DKK3: variants seen among roughly 807,000 people sequenced by gnomAD.
DKK3 encodes dickkopf Wnt signaling pathway inhibitor 3, also known as dickkopf-related protein 3.
A neutral mutation model predicts 33.2 loss-of-function variants in DKK3; 22 were observed. The ratio of observed to expected loss-of-function variants is 0.66; its 90% CI spans 0.47 to 0.95. DKK3 has a LOEUF of 0.95. Ranked by LOEUF, DKK3 falls within the 40% of genes least tolerant of loss-of-function variation. The pLI, the probability that DKK3 is intolerant of heterozygous loss-of-function variation, is 0.00. For synonymous variants in DKK3, 194 were observed against 188.8 expected (o/e 1.03, Z -0.23); for missense variants, 398 against 458.4 (o/e 0.87, Z 1.20).
At chr11:11,980,403 C>T (rs529361173) in intron 3 of DKK3, among the ~76,000 whole-genome samples, 2 of 152,312 alleles carry the variant, frequency 1.3e-5, no homozygotes, top group South Asian at 4.1e-4. Flanking sequence ...ACCCTGAGCA[C>T]ATTCTACCTC....
At chr11:11,972,300 G>A (rs1180914524) in intron 3 of DKK3, among the ~76,000 whole-genome samples, 1 of 152,188 alleles carries the variant, frequency 6.6e-6, no homozygotes, top group Non-Finnish European at 1.5e-5. Context: ...CCCCTGCCAG[G>A]GGGCCAGTCT....
intron 6 of DKK3, among the ~76,000 whole-genome samples, chr11:11,965,561 A>G (rs1267724948): frequency 6.6e-6 from 1 of 151,928 alleles, no homozygotes; most frequent in Non-Finnish European, 1.5e-5. Context: ...TGGACCATCC[A>G]CTCATGAAGC....
At chr11:11,978,223 G>A (rs940553597) in intron 3 of DKK3, among the ~76,000 whole-genome samples, 2 of 152,250 alleles carry the variant, frequency 1.3e-5, no homozygotes, top group African/African-American at 2.4e-5. Flanking sequence ...AAGAGAGGTG[G>A]CCTCAAAGAC....
At chr11:11,975,130 G>A (rs1046784337) in intron 3 of DKK3, among the ~76,000 whole-genome samples, 3 of 152,092 alleles carry the variant, frequency 2.0e-5, no homozygotes, top group Admixed American at 1.3e-4. Context: ...CTGTTAAGTC[G>A]TCCTGTTTGG....
intron 2 of DKK3, among the ~76,000 whole-genome samples, chr11:11,999,596 C>G (rs780506930): frequency 9.9e-5 from 15 of 152,136 alleles, no homozygotes; most frequent in African/African-American, 3.4e-4. Flanking sequence ...CTGCACTACT[C>G]CAGCCTGGGC....
intron 2 of DKK3, 62 bp downstream of exon 2, chr11:12,002,232 CAAAAAA>C: frequency 6.7e-7 from 1 of 1,488,798 alleles, no homozygotes. Flanking sequence ...AAAACAAAAA[CAAAAAA>C]ACCTTAGTTC....
At chr11:12,007,962 A>T (rs907230583) in intron 1 of DKK3, among the ~76,000 whole-genome samples, 3 of 152,232 alleles carry the variant, frequency 2.0e-5, no homozygotes, top group Admixed American at 2.0e-4. Context: ...CTCAAAGCAT[A>T]ACGGACAAGC....
At chr11:12,000,280 A>T (rs1848397150) in intron 2 of DKK3, among the ~76,000 whole-genome samples, 1 of 152,004 alleles carries the variant, frequency 6.6e-6, no homozygotes, top group Non-Finnish European at 1.5e-5. Flanking sequence ...ATCTCGGCTC[A>T]CTGCAACCTC....
chr11:12,000,750 C>T (rs1267315191), intron 2 of DKK3, among the ~76,000 whole-genome samples: 1 of 151,818 alleles, frequency 6.6e-6, no homozygotes, highest in Non-Finnish European at 1.5e-5. Flanking sequence ...AACTCCTAAC[C>T]TCAAGTGATC....
intron 3 of DKK3, among the ~76,000 whole-genome samples, chr11:11,984,401 A>G (rs888915932): frequency 6.6e-6 from 1 of 151,362 alleles, no homozygotes; most frequent in African/African-American, 2.4e-5. Context: ...AAGAGAAAAT[A>G]AAAATATTTG....
At chr11:11,979,079 C>CCGA (rs1847899854) in intron 3 of DKK3, 1 of 152,280 alleles carries the variant, frequency 6.6e-6, no homozygotes, top group Admixed American at 6.5e-5. Flanking sequence ...AACAGGTTCA[C>CCGA]CGACGCAAGG....
At chr11:11,977,130 C>T (rs11602985) in intron 3 of DKK3, among the ~76,000 whole-genome samples, 20,776 of 152,170 alleles carry the variant, frequency 0.14, 1,788 homozygotes, top group Middle Eastern at 0.38. Flanking sequence ...TTTTCTTCCC[C>T]CAAGTCACAC....
At chr11:11,980,676 G>T (rs1194106418) in intron 3 of DKK3, among the ~76,000 whole-genome samples, 3 of 152,098 alleles carry the variant, frequency 2.0e-5, no homozygotes, top group Admixed American at 2.0e-4. Flanking sequence ...CCTCTCTCCT[G>T]GGTGCTCCCC....
chr11:11,991,359 C>T (rs1490726961), intron 3 of DKK3, among the ~76,000 whole-genome samples: 2 of 152,158 alleles, frequency 1.3e-5, no homozygotes, highest in Non-Finnish European at 1.5e-5. Context: ...GTAGCTGGGT[C>T]ATGGGGGCAG....
In DKK3 at chr11:11,967,048, A is replaced by AC. The variant is rs768140981; in HGVS notation, c.578dup (p.His194SerfsTer16). 3.1e-5 allele frequency: 50 copies of AC among 1,613,718 alleles called. No individual in the cohort carries two copies. Among genetic ancestry groups the AC allele is most frequent in the Non-Finnish European group, 3.8e-5 (45 of 1,179,992 alleles). Reference sequence around the variant, plus strand: ...CCCTGGTGGCCATTTTGGTGCAGTGACCCCAGACACACAGCTGGTCTCCAC... The same window carrying AC: ...CCCTGGTGGCCATTTTGGTGCAGTGACCCCCAGACACACAGCTGGTCTCCAC... On this transcript the variant is annotated frameshift_variant, in exon 5 of 7. Coordinates refer to ENST00000683431, the MANE Select transcript of DKK3 (RefSeq NM_001018057.2). LOFTEE classifies it high-confidence loss of function.
At chr11:11,994,257 G>A (rs545519248) in intron 3 of DKK3, among the ~76,000 whole-genome samples, 6 of 151,972 alleles carry the variant, frequency 3.9e-5, no homozygotes, top group Non-Finnish European at 5.9e-5. Context: ...CTCACACAAA[G>A]AGCCTTTATA....
At chr11:11,982,173 C>T (rs1021648115) in intron 3 of DKK3, among the ~76,000 whole-genome samples, 11 of 152,112 alleles carry the variant, frequency 7.2e-5, no homozygotes, top group South Asian at 2.1e-4. Context: ...CCAGGGTAGT[C>T]GGAGTCACGG....
At chr11:11,967,988 G>A (rs1324822633) in intron 4 of DKK3, among the ~76,000 whole-genome samples, 5 of 152,098 alleles carry the variant, frequency 3.3e-5, no homozygotes, top group African/African-American at 4.8e-5. Flanking sequence ...CATCCCCAGG[G>A]GAAGCAACAG....
intron 3 of DKK3, 40 bp from the exon 4 acceptor site, chr11:11,968,527 C>G (rs200522965): frequency 6.3e-7 from 1 of 1,582,286 alleles, no homozygotes; most frequent in African/African-American, 1.3e-5. Context: ...CAATGGAGAG[C>G]AGAGCAGCAG....
Sources: gnomAD v4.1 joint callset for allele counts (sites outside exome capture counted in the v4.1 genomes callset) on GRCh38, gnomAD v4.1.1 for gene constraint, MANE v1.5 for transcripts, NCBI Gene and HGNC (gene_info 2026-07-23, HGNC 2026-07-21) for gene names.